RASSF6: variants seen among roughly 807,000 people sequenced by gnomAD.
The protein encoded by RASSF6 is Ras association domain family member 6, also known as ras association domain-containing protein 6.
Under a neutral mutation model 44.0 loss-of-function variants are expected in RASSF6, and 52 were observed. The observed-to-expected ratio is 1.18, with a 90% CI of 0.95 to 1.49. The LOEUF is 1.49. Ranked by LOEUF, RASSF6 falls within the 40% of genes most tolerant of loss-of-function variation. The pLI, the probability that RASSF6 is intolerant of heterozygous loss-of-function variation, is 0.00. For synonymous variants in RASSF6, 162 were observed against 124.6 expected, an observed-to-expected ratio of 1.30 and a Z score of -2.00; for missense variants, 464 against 393.3, an observed-to-expected ratio of 1.18 and a Z score of -1.52.
intron 4 of RASSF6, among the ~76,000 whole-genome samples, chr4:73,588,778 C>T (rs1724295295): frequency 6.8e-5 from 3 of 44,432 alleles, no homozygotes; most frequent in African/African-American, 2.0e-4. Flanking sequence ...ATCCTCATCT[C>T]CATTGTCATC....
intron 3 of RASSF6, among the ~76,000 whole-genome samples, chr4:73,597,788 G>A (rs886769471): frequency 2.0e-5 from 3 of 152,200 alleles, no homozygotes; most frequent in Non-Finnish European, 4.4e-5. Context: ...ATACTATGCA[G>A]CCATAAAAAA....
chr4:73,608,575 A>G (rs190554963), intron 2 of RASSF6, among the ~76,000 whole-genome samples: 1 of 152,306 alleles, frequency 6.6e-6, no homozygotes, highest in East Asian at 1.9e-4. Context: ...AACAATCCCC[A>G]TGTGGACAAA....
chr4:73,586,834 C>G (rs921557565), intron 5 of RASSF6, among the ~76,000 whole-genome samples: 2 of 151,152 alleles, frequency 1.3e-5, no homozygotes, highest in Non-Finnish European at 2.9e-5. Context: ...AAAAGGGAAC[C>G]CTGGAAGGAA....
At chr4:73,606,015 A>G (rs965604685) in intron 2 of RASSF6, among the ~76,000 whole-genome samples, 1 of 152,236 alleles carries the variant, frequency 6.6e-6, no homozygotes, top group Non-Finnish European at 1.5e-5. Context: ...GAGATTTTTC[A>G]AAAATCTAAA....
intron 8 of RASSF6, among the ~76,000 whole-genome samples, chr4:73,581,029 T>C (rs1723598116): frequency 6.6e-6 from 1 of 151,956 alleles, no homozygotes; most frequent in South Asian, 2.1e-4. Flanking sequence ...AGTCTTTAAT[T>C]ATAGATCTTT....
chr4:73,585,397 C>T, intron 5 of RASSF6, 33 bp from the exon 6 acceptor site: 1 of 1,436,546 alleles, frequency 7.0e-7, no homozygotes, highest in Non-Finnish European at 9.3e-7. Context: ...TCATATCATT[C>T]AGCTGCCTGT....
At chr4:73,597,893 C>T (rs1445302145) in intron 3 of RASSF6, among the ~76,000 whole-genome samples, 2 of 152,126 alleles carry the variant, frequency 1.3e-5, no homozygotes, top group Non-Finnish European at 1.5e-5. Flanking sequence ...TTTGCTTTCA[C>T]TTATAAGTGG....
intron 1 of RASSF6, among the ~76,000 whole-genome samples, chr4:73,619,572 G>A (rs553215912): frequency 6.6e-6 from 1 of 152,140 alleles, no homozygotes; most frequent in Non-Finnish European, 1.5e-5. Flanking sequence ...ATCAAAGAAA[G>A]CCTTATGTGG....
intron 4 of RASSF6, among the ~76,000 whole-genome samples, chr4:73,593,040 A>G (rs1216767953): frequency 6.7e-6 from 1 of 148,930 alleles, no homozygotes; most frequent in Non-Finnish European, 1.5e-5. Context: ...TTTTTTTTCA[A>G]AGTCTCACTC....
chr4:73,591,193 T>C (rs560352632), intron 4 of RASSF6, among the ~76,000 whole-genome samples: 28 of 152,350 alleles, frequency 1.8e-4, no homozygotes, highest in African/African-American at 5.8e-4. Context: ...GATATGTTAA[T>C]TAGCCTGTTT....
At chr4:73,588,081 A>T in intron 4 of RASSF6, 147 bp from the exon 5 acceptor site, 2 of 479,528 alleles carry the variant, frequency 4.2e-6, no homozygotes, top group Non-Finnish European at 7.5e-6. Context: ...TTATGATATT[A>T]TTAAAATTAT....
chr4:73,572,252 A>G lies in RASSF6; in HGVS notation c.*3983T>C, dbSNP rs1686596624. Reference sequence around the variant, plus strand: ...AGGTCTTTCCAGGGCTGCTCAGGACATGGCAGTTGACTTCCCCCAGAGCAA... The same window carrying G: ...AGGTCTTTCCAGGGCTGCTCAGGACGTGGCAGTTGACTTCCCCCAGAGCAA... On this transcript the variant is annotated 3_prime_UTR_variant, in exon 11 of 11. Transcript: ENST00000307439. 6.6e-6 allele frequency: 1 copy of G among 152,182 alleles called. No individual in the cohort carries two copies. The highest frequency in any genetic ancestry group is 1.5e-5 in the Non-Finnish European group (1 of 68,046). The allele number at this position is 152,182 out of a possible 1,614,324, so 9.4% of individuals were successfully genotyped here.
At chr4:73,577,935 G>A (rs1266015614) in intron 8 of RASSF6, among the ~76,000 whole-genome samples, 2 of 151,918 alleles carry the variant, frequency 1.3e-5, no homozygotes, top group African/African-American at 4.8e-5. Flanking sequence ...TACAGTGTGA[G>A]ATACACTGTA....
rs150463889 is a variant in RASSF6, at chr4:73,605,648, G to A, written c.65+6083C>T. Among the ~76,000 whole-genome samples the A allele has an allele frequency of 7.6e-3, 1,151 of 152,332 alleles. 10 individuals are homozygous for A. Among genetic ancestry groups the A allele is most frequent in the Non-Finnish European group, 0.011 (763 of 68,030 alleles). ...CCAAAGTCTGGAAACTGAGAAATTT[G>A]TGGAGAAGTAGTCTATCTCGATTGA... On this transcript the variant is annotated intron_variant, in intron 2 of 10. Transcript: ENST00000307439.
chr4:73,616,139 CTCT>C (rs1560464467), intron 1 of RASSF6, among the ~76,000 whole-genome samples: 1 of 152,104 alleles, frequency 6.6e-6, no homozygotes, highest in Non-Finnish European at 1.5e-5. Flanking sequence ...TATCTATAGC[CTCT>C]TATTTCTGAG....
chr4:73,616,487 G>A (rs1404075262), intron 1 of RASSF6, among the ~76,000 whole-genome samples: 3 of 151,868 alleles, frequency 2.0e-5, no homozygotes, highest in Non-Finnish European at 4.4e-5. Flanking sequence ...ATATATGCAG[G>A]CATATAGATA....
intron 1 of RASSF6, among the ~76,000 whole-genome samples, chr4:73,613,068 T>G (rs768322958): frequency 5.3e-5 from 8 of 152,312 alleles, no homozygotes; most frequent in Non-Finnish European, 1.0e-4. Flanking sequence ...CCCATGTCCT[T>G]TGAATCCACA....
rs768108076 is a variant in RASSF6, at chr4:73,611,728, T to C, written c.65+3A>G. 1 of 1,586,856 alleles carries C rather than the reference T, an allele frequency of 6.3e-7. No individual in the cohort carries two copies. Among genetic ancestry groups the C allele is most frequent in the Non-Finnish European group, 8.7e-7 (1 of 1,155,986 alleles). ...CAATGTATAATATAAGGTGTGTGGT[T>C]ACCTGGTTATGAATGTCTTCTCATT... On this transcript the variant is annotated splice_donor_region_variant and intron_variant, in intron 2 of 10. Transcript: ENST00000307439.
At chr4:73,591,876 A>G (rs1724584573) in intron 4 of RASSF6, among the ~76,000 whole-genome samples, 1 of 152,206 alleles carries the variant, frequency 6.6e-6, no homozygotes. Flanking sequence ...CAAATAAAAC[A>G]AAGATGAATA....
Sources: allele counts gnomAD v4.1 joint callset (sites outside exome capture counted in the v4.1 genomes callset), GRCh38; gene constraint gnomAD v4.1.1; transcripts MANE v1.5; gene names NCBI Gene and HGNC (gene_info 2026-07-23, HGNC 2026-07-21).